Variants in PPFIA2 observed in about 807,000 individuals in gnomAD.
The protein encoded by PPFIA2 is PPFI scaffold protein A2, also known as liprin-alpha-2.
In PPFIA2, 46 loss-of-function variants were observed where a neutral mutation model predicts 175.5. The observed-to-expected ratio is 0.26, with a 90% CI of 0.21 to 0.34. The LOEUF is 0.34. PPFIA2 is among the 10% of genes least tolerant of loss of function. The pLI is 1.00. For synonymous variants in PPFIA2, 568 were observed against 511.4 expected (o/e 1.11, Z -1.49); for missense variants, 1,179 against 1,506.1 (o/e 0.78, Z 3.60).
intron 22 of PPFIA2, among the ~76,000 whole-genome samples, chr12:81,321,813 C>G (rs143407382): frequency 6.6e-6 from 1 of 152,194 alleles, no homozygotes; most frequent in East Asian, 1.9e-4. Context: ...GTGAGTTGAA[C>G]CTTATTCAGA....
At chr12:81,372,971 CAAGAT>C (rs1566521935) in intron 11 of PPFIA2, among the ~76,000 whole-genome samples, 3 of 151,430 alleles carry the variant, frequency 2.0e-5, no homozygotes, top group Admixed American at 6.6e-5. Flanking sequence ...ACAGACTAGA[CAAGAT>C]AAGAGGAAAA....
intron 4 of PPFIA2, among the ~76,000 whole-genome samples, chr12:81,668,552 T>G (rs2070798414): frequency 6.6e-6 from 1 of 152,060 alleles, no homozygotes; most frequent in East Asian, 1.9e-4. Context: ...CACTGCTTCT[T>G]TCTATGAGTC....
At chr12:81,299,957 T>C (rs1362263536) in intron 22 of PPFIA2, among the ~76,000 whole-genome samples, 1 of 152,178 alleles carries the variant, frequency 6.6e-6, no homozygotes, top group East Asian at 1.9e-4. Context: ...CCAAGGTAAA[T>C]TGATTTCTAA....
At chr12:81,534,582 C>T (rs1567222010) in intron 4 of PPFIA2, among the ~76,000 whole-genome samples, 1 of 151,634 alleles carries the variant, frequency 6.6e-6, no homozygotes, top group Non-Finnish European at 1.5e-5. Flanking sequence ...GGACCCTAAG[C>T]ACTAATAATT....
chr12:81,622,664 T>G (rs2062195648), intron 4 of PPFIA2, among the ~76,000 whole-genome samples: 3 of 151,762 alleles, frequency 2.0e-5, no homozygotes, highest in African/African-American at 4.8e-5. Flanking sequence ...AAGAAAAGAG[T>G]TCAGAGATGA....
At chr12:81,351,487 T>G (rs1302611494) in intron 17 of PPFIA2, among the ~76,000 whole-genome samples, 2 of 152,036 alleles carry the variant, frequency 1.3e-5, no homozygotes, top group Admixed American at 6.6e-5. Flanking sequence ...TGTAAGAATA[T>G]TAATCATAAA....
At chr12:81,673,741 T>G (rs1023554478) in intron 4 of PPFIA2, among the ~76,000 whole-genome samples, 1 of 152,060 alleles carries the variant, frequency 6.6e-6, no homozygotes, top group African/African-American at 2.4e-5. Context: ...AAAATAATTA[T>G]GTGATTTGGA....
chr12:81,687,954 A>T (rs1279908843), intron 3 of PPFIA2, among the ~76,000 whole-genome samples: 2 of 151,978 alleles, frequency 1.3e-5, no homozygotes, highest in Non-Finnish European at 2.9e-5. Context: ...ATTAGAATAC[A>T]TGTAAATAAG....
intron 3 of PPFIA2, among the ~76,000 whole-genome samples, chr12:81,713,853 A>G (rs2078255865): frequency 6.6e-6 from 1 of 151,418 alleles, no homozygotes. Flanking sequence ...TTGTTCTTAT[A>G]AAGCTTATAT....
intron 7 of PPFIA2, among the ~76,000 whole-genome samples, chr12:81,435,907 A>T (rs1317087350): frequency 6.6e-6 from 1 of 152,128 alleles, no homozygotes; most frequent in African/African-American, 2.4e-5. Context: ...ACTCTTCAAG[A>T]TGGCAATATG....
chr12:81,653,061 C>T (rs1313406566), intron 4 of PPFIA2, among the ~76,000 whole-genome samples: 2 of 152,062 alleles, frequency 1.3e-5, no homozygotes, highest in African/African-American at 2.4e-5. Context: ...GACCCTAAAC[C>T]AAACTCCCAC....
intron 22 of PPFIA2, among the ~76,000 whole-genome samples, chr12:81,315,228 T>A (rs1288567445): frequency 6.6e-6 from 1 of 151,816 alleles, no homozygotes; most frequent in Non-Finnish European, 1.5e-5. Context: ...CTCTTGGGAT[T>A]ACTAGGTAAT....
chr12:81,479,984 T>C (rs1259859848), intron 4 of PPFIA2, among the ~76,000 whole-genome samples: 1 of 152,194 alleles, frequency 6.6e-6, no homozygotes, highest in Non-Finnish European at 1.5e-5. Context: ...TTCTCCTGGA[T>C]AGTATCCTGA....
At chr12:81,682,669 T>G (rs1247919877) in intron 3 of PPFIA2, among the ~76,000 whole-genome samples, 1 of 152,038 alleles carries the variant, frequency 6.6e-6, no homozygotes, top group Non-Finnish European at 1.5e-5. Context: ...TTGACAAAAT[T>G]TATTGTATTC....
At chr12:81,668,330 C>T (rs568164179) in intron 4 of PPFIA2, among the ~76,000 whole-genome samples, 1 of 152,004 alleles carries the variant, frequency 6.6e-6, no homozygotes, top group Non-Finnish European at 1.5e-5. Flanking sequence ...ACCACTCTTA[C>T]TGCTATTCTT....
chr12:81,425,182 G>A (rs2163721), intron 7 of PPFIA2, among the ~76,000 whole-genome samples: 6,877 of 152,114 alleles, frequency 0.045, 189 homozygotes, highest in African/African-American at 0.075. Context: ...CAATAACCTC[G>A]TAATGTGGGG....
At chr12:81,600,695 T>C (rs907865611) in intron 4 of PPFIA2, among the ~76,000 whole-genome samples, 1 of 152,116 alleles carries the variant, frequency 6.6e-6, no homozygotes, top group Non-Finnish European at 1.5e-5. Flanking sequence ...TGTGAAATAT[T>C]CTAGATACGT....
At chr12:81,353,431 T>C in intron 16 of PPFIA2, 92 bp from the exon 17 acceptor site, 1 of 874,404 alleles carries the variant, frequency 1.1e-6, no homozygotes, top group Non-Finnish European at 1.8e-6. Flanking sequence ...CAGGCATGCT[T>C]TTACAACTGA....
chr12:81,331,648 G>C (rs551228272), intron 21 of PPFIA2, among the ~76,000 whole-genome samples: 1 of 152,270 alleles, frequency 6.6e-6, no homozygotes, highest in South Asian at 2.1e-4. Flanking sequence ...AAGGAAACTT[G>C]CTAAAGTGGC....
Sources: allele counts gnomAD v4.1 joint callset (sites outside exome capture counted in the v4.1 genomes callset), GRCh38; gene constraint gnomAD v4.1.1; transcripts MANE v1.5; gene names NCBI Gene and HGNC (gene_info 2026-07-23, HGNC 2026-07-21).